EYS: variants seen among roughly 807,000 people sequenced by gnomAD.
EYS encodes protein eyes shut homolog.
A neutral mutation model predicts 282.1 loss-of-function variants in EYS; 250 were observed. That is an observed-to-expected ratio of 0.89 (90% CI 0.80 to 0.98). The LOEUF (loss-of-function observed/expected upper bound fraction) is 0.98. Among genes scored for constraint, EYS ranks in the 50% least tolerant of loss-of-function variants. The probability of loss-of-function intolerance (pLI) is 0.00; values close to 1 mark genes in which losing one functional copy is unlikely to be tolerated. For missense variants in EYS, 4,016 were observed against 3,709.0 expected (o/e 1.08, Z -2.15); for synonymous variants, 1,355 against 1,282.9 (o/e 1.06, Z -1.20).
intron 23 of EYS, 80 bp downstream of exon 23, chr6:64,626,041 T>C: frequency 2.4e-6 from 2 of 834,984 alleles, no homozygotes; most frequent in East Asian, 2.8e-5. Flanking sequence ...AATTGTATTA[T>C]ACATACATGT....
chr6:65,256,651 T>G (rs1372101856), intron 12 of EYS, among the ~76,000 whole-genome samples: 1 of 40,312 alleles, frequency 2.5e-5, no homozygotes, highest in Non-Finnish European at 4.6e-5. Context: ...TGCCACATTT[T>G]CTTAATCCAG....
chr6:64,164,192 T>C (rs1334577157), intron 31 of EYS, among the ~76,000 whole-genome samples: 1 of 152,124 alleles, frequency 6.6e-6, no homozygotes, highest in East Asian at 1.9e-4. Flanking sequence ...CTTTACTTCT[T>C]AATTGCTAAA....
rs150613777 is a variant in EYS at position 63,744,920 on chromosome 6, A to G, written c.8071+17541T>C. 1.7e-3 allele frequency: 670 copies of G among 384,652 alleles called. 3 individuals carry two copies. Among genetic ancestry groups the G allele is most frequent in the African/African-American group, 0.014 (644 of 45,662 alleles). 23.8% of individuals were successfully genotyped at this position (384,652 alleles called of 1,614,324 possible). A position where few individuals can be genotyped will look rare whatever the true frequency, so the allele number is the denominator to read the frequency against. On this transcript the variant is annotated intron_variant, in intron 41 of 42. Coordinates refer to ENST00000503581, the MANE Select transcript of EYS (RefSeq NM_001142800.2). ...ATAGTTGACTTTTGTTTCCAGCAGT[A>G]TAGTAGATTAGATAACATGATTTAC...
intron 13 of EYS, among the ~76,000 whole-genome samples, chr6:65,035,629 T>C (rs1160983585): frequency 6.6e-6 from 1 of 151,946 alleles, no homozygotes; most frequent in Non-Finnish European, 1.5e-5. Context: ...AACAGGGTTG[T>C]TAAAAATTTC....
chr6:65,048,567 G>T (rs1290318946), intron 13 of EYS, among the ~76,000 whole-genome samples: 1 of 151,658 alleles, frequency 6.6e-6, no homozygotes, highest in Non-Finnish European at 1.5e-5. Context: ...ACTTCTTTTT[G>T]ACTGGTGATT....
intron 5 of EYS, among the ~76,000 whole-genome samples, chr6:65,439,821 TCAA>T (rs1235577368): frequency 6.6e-6 from 1 of 152,046 alleles, no homozygotes; most frequent in Non-Finnish European, 1.5e-5. Context: ...TTAATTAAAC[TCAA>T]CAAACATTCA....
chr6:64,197,211 A>C (rs960802846), intron 31 of EYS, among the ~76,000 whole-genome samples: 58 of 152,280 alleles, frequency 3.8e-4, no homozygotes, highest in African/African-American at 1.4e-3. Flanking sequence ...TTTCTATGAA[A>C]TATTTTGTTT....
At chr6:64,227,208 A>G (rs9362607) in intron 31 of EYS, among the ~76,000 whole-genome samples, 53,629 of 151,810 alleles carry the variant, frequency 0.35, 9,527 homozygotes, top group East Asian at 0.54. Context: ...CCACTCAGAC[A>G]CAATTTTTTG....
intron 31 of EYS, among the ~76,000 whole-genome samples, chr6:64,148,661 A>T (rs1774601468): frequency 6.6e-6 from 1 of 152,068 alleles, no homozygotes; most frequent in Non-Finnish European, 1.5e-5. Context: ...CCTAAAATTG[A>T]TCTTACATCT....
At position 65,707,136 on chromosome 6, in the gene EYS, C is replaced by T. The variant is rs1407645990; in HGVS notation, c.-449G>A. The T allele has an allele frequency of 6.6e-6, 1 of 151,960 alleles. No homozygotes were observed. Among genetic ancestry groups the T allele is most frequent in the African/African-American group, 2.4e-5 (1 of 41,378 alleles). The allele number at this position is 151,960 out of a possible 1,614,324, so 9.4% of individuals were successfully genotyped here. ...TAGGTGGAATCAAGTATAACTTACC[C>T]CAACCATTAGCCAAGGAGGCTTGCA... On this transcript the variant is annotated splice_region_variant and 5_prime_UTR_variant, in exon 1 of 43. Transcript: ENST00000503581.
intron 23 of EYS, among the ~76,000 whole-genome samples, chr6:64,619,990 A>G (rs1767393419): frequency 6.6e-6 from 1 of 152,326 alleles, no homozygotes; most frequent in Non-Finnish European, 1.5e-5. Flanking sequence ...CAAACTGAGA[A>G]AAACATTAAG....
intron 1 of EYS, among the ~76,000 whole-genome samples, chr6:65,664,829 T>C (rs1768144399): frequency 6.6e-6 from 1 of 152,208 alleles, no homozygotes; most frequent in African/African-American, 2.4e-5. Context: ...AGGTATCTGA[T>C]CACCATATTT....
At chr6:64,598,657 A>G (rs899362558) in intron 24 of EYS, among the ~76,000 whole-genome samples, 4 of 152,204 alleles carry the variant, frequency 2.6e-5, no homozygotes, top group Non-Finnish European at 5.9e-5. Flanking sequence ...ATAGCCCTCT[A>G]TGTCTTCACT....
chr6:64,045,263 A>T (rs72875097), intron 33 of EYS, among the ~76,000 whole-genome samples: 4 of 151,998 alleles, frequency 2.6e-5, no homozygotes, highest in Non-Finnish European at 1.5e-5. Context: ...GGAATACTTT[A>T]AAAAGGTGAG....
chr6:65,040,421 A>G (rs1772899674), intron 13 of EYS, among the ~76,000 whole-genome samples: 1 of 151,708 alleles, frequency 6.6e-6, no homozygotes, highest in African/African-American at 2.4e-5. Context: ...GTCTGTGCCT[A>G]AATTTTCCTT....
At chr6:65,472,716 G>A (rs1765260137) in intron 5 of EYS, among the ~76,000 whole-genome samples, 1 of 151,912 alleles carries the variant, frequency 6.6e-6, no homozygotes, top group African/African-American at 2.4e-5. Flanking sequence ...GTATATTTCT[G>A]TATTTGAGAG....
At chr6:65,208,103 A>G (rs2150250228) in intron 12 of EYS, among the ~76,000 whole-genome samples, 1 of 151,946 alleles carries the variant, frequency 6.6e-6, no homozygotes, top group Non-Finnish European at 1.5e-5. Context: ...AGTATTTGCA[A>G]ATTATGTCAA....
At chr6:64,234,547 A>G (rs949212189) in intron 30 of EYS, among the ~76,000 whole-genome samples, 11 of 152,100 alleles carry the variant, frequency 7.2e-5, no homozygotes, top group African/African-American at 2.4e-4. Context: ...CAATAGTTAC[A>G]TTGAGATATA....
intron 33 of EYS, among the ~76,000 whole-genome samples, chr6:64,033,851 T>C (rs948362680): frequency 6.6e-6 from 1 of 150,634 alleles, no homozygotes; most frequent in South Asian, 2.1e-4. Flanking sequence ...TCTCTCTATA[T>C]ATATATATAT....
Sources: allele counts gnomAD v4.1 joint callset (sites outside exome capture counted in the v4.1 genomes callset), GRCh38; gene constraint gnomAD v4.1.1; transcripts MANE v1.5; gene names NCBI Gene and HGNC (gene_info 2026-07-23, HGNC 2026-07-21).